PIAS1: variants seen among roughly 807,000 people sequenced by gnomAD.
PIAS1 encodes the protein protein inhibitor of activated STAT 1, also known as E3 SUMO-protein ligase PIAS1.
PIAS1 carries 6 observed loss-of-function variants against 71.3 expected under a neutral mutation model. That is an observed-to-expected ratio of 0.08 (90% CI 0.05 to 0.17). The LOEUF (loss-of-function observed/expected upper bound fraction) is 0.17, where lower values mean the gene tolerates loss of function less well. Ranked by LOEUF, PIAS1 falls within the 10% of genes least tolerant of loss-of-function variation. The pLI is 1.00. For missense variants in PIAS1, 555 were observed against 793.6 expected, an observed-to-expected ratio of 0.70 and a Z score of 3.61; for synonymous variants, 303 against 292.9, an observed-to-expected ratio of 1.03 and a Z score of -0.35.
chr15:68,160,679 C>T (rs559976689), intron 7 of PIAS1, among the ~76,000 whole-genome samples: 16 of 152,206 alleles, frequency 1.1e-4, no homozygotes, highest in African/African-American at 3.9e-4. Context: ...TATAATTCAC[C>T]TTCTCAACAA....
intron 2 of PIAS1, among the ~76,000 whole-genome samples, chr15:68,118,336 AT>A (rs1461663342): frequency 2.1e-5 from 3 of 145,948 alleles, no homozygotes; most frequent in Non-Finnish European, 4.6e-5. Flanking sequence ...AAAAAAAAAA[AT>A]AATAATAAAT....
At chr15:68,131,360 T>C (rs971046350) in intron 2 of PIAS1, among the ~76,000 whole-genome samples, 4 of 152,206 alleles carry the variant, frequency 2.6e-5, no homozygotes, top group Non-Finnish European at 4.4e-5. Flanking sequence ...CAAGCTGATA[T>C]GTTAATCAAT....
chr15:68,055,602 C>T (rs1567019594), intron 1 of PIAS1, among the ~76,000 whole-genome samples: 3 of 152,104 alleles, frequency 2.0e-5, no homozygotes. Flanking sequence ...TATTTCGAGG[C>T]TCTGAACGCG....
chr15:68,141,819 A>C lies in PIAS1; in HGVS notation c.470-127A>C, dbSNP rs2092772021. On this transcript the variant is annotated intron_variant, in intron 2 of 13. Coordinates refer to ENST00000249636, the MANE Select transcript of PIAS1 (RefSeq NM_016166.3). ...GTATTTCTTATTTTTCAGTGCTTTA[A>C]TTGCCTTGTTATCTAAACTCTAGAA... The C allele has an allele frequency of 5.1e-6, 3 of 590,718 alleles. No individual in the cohort carries two copies. In the East Asian group the frequency reaches 8.4e-5, roughly 16 times the overall value. 36.6% of individuals were successfully genotyped at this position (590,718 alleles called of 1,614,324 possible). A position where few individuals can be genotyped will look rare whatever the true frequency, so the allele number is the denominator to read the frequency against.
rs891152402 is a variant in PIAS1, at chr15:68,190,758, TAAAA to T, written c.*2932_*2935del. 1.4e-5 allele frequency: 2 copies of T among 146,648 alleles called. No individual in the cohort carries two copies. Among genetic ancestry groups the T allele is most frequent in the Non-Finnish European group, 3.0e-5 (2 of 66,286 alleles). The allele number at this position is 146,648 out of a possible 1,614,324, so 9.1% of individuals were successfully genotyped here. On this transcript the variant is annotated 3_prime_UTR_variant, in exon 14 of 14. Coordinates refer to ENST00000249636, the MANE Select transcript of PIAS1 (RefSeq NM_016166.3). This position sits in a 1 kb window ranked among gnomAD's most constrained non-coding sequence, Gnocchi z 4.7. Reference sequence around the variant, plus strand: ...TTCGTGAGTGTTATTGGATACATCTTAAAAAAAAAAAATCTGAACCAGAACCATG... The same window carrying T: ...TTCGTGAGTGTTATTGGATACATCTTAAAAAAAATCTGAACCAGAACCATG...
chr15:68,129,354 C>T (rs2141029589), intron 2 of PIAS1, among the ~76,000 whole-genome samples: 1 of 152,280 alleles, frequency 6.6e-6, no homozygotes, highest in South Asian at 2.1e-4. Context: ...AGACCTGAGC[C>T]ACTGCACCTG....
intron 2 of PIAS1, among the ~76,000 whole-genome samples, chr15:68,107,861 A>G (rs535449388): frequency 5.7e-4 from 87 of 152,262 alleles, no homozygotes; most frequent in African/African-American, 1.9e-3. Context: ...AATACGATAC[A>G]TGGTTTGTAG....
chr15:68,160,037 T>G (rs2092914459), intron 7 of PIAS1, among the ~76,000 whole-genome samples: 1 of 152,148 alleles, frequency 6.6e-6, no homozygotes, highest in African/African-American at 2.4e-5. Flanking sequence ...GTAGTGGTAT[T>G]TCTTTGTGCA....
chr15:68,104,543 CAG>C lies in PIAS1; in HGVS notation c.469+17799_469+17800del, dbSNP rs1220334230. 2.6e-5 allele frequency among the ~76,000 whole-genome samples: 4 copies of C among 152,242 alleles called. No individual in the cohort carries two copies. In the East Asian group the frequency reaches 7.7e-4, roughly 29 times the overall value. ...GTTTCTTCAAAATTCATATTAACCA[CAG>C]AGAGACAAATATTTCGTGTTCTCAC... On this transcript the variant is annotated intron_variant, in intron 2 of 13. Transcript: ENST00000249636.
At chr15:68,063,855 C>T (rs1159481514) in intron 1 of PIAS1, among the ~76,000 whole-genome samples, 1 of 151,532 alleles carries the variant, frequency 6.6e-6, no homozygotes, top group Admixed American at 6.6e-5. Context: ...CAAATTAAGG[C>T]ATTGGTACTA....
In PIAS1 at chr15:68,127,847, C is replaced by T. The variant is rs562122401; in HGVS notation, c.470-14099C>T. ...GTGTGACCTCAGCTCGCTGCAACCT[C>T]CTCCTGCAGGGTTCAAGCAATTCTC... On this transcript the variant is annotated intron_variant, in intron 2 of 13. Coordinates refer to ENST00000249636, the MANE Select transcript of PIAS1 (RefSeq NM_016166.3). Among the ~76,000 whole-genome samples, 4 of 152,276 alleles carry T rather than the reference C, an allele frequency of 2.6e-5. No homozygotes were observed. In the South Asian group the frequency reaches 8.3e-4, roughly 32 times the overall value.
intron 2 of PIAS1, among the ~76,000 whole-genome samples, chr15:68,125,989 G>A (rs1168961198): frequency 2.0e-5 from 3 of 151,960 alleles, no homozygotes; most frequent in African/African-American, 4.8e-5. Flanking sequence ...ATGAGCCACT[G>A]CGCCCCAGAC....
chr15:68,166,236 A>G (rs1463366627), intron 8 of PIAS1, among the ~76,000 whole-genome samples: 2 of 151,988 alleles, frequency 1.3e-5, no homozygotes, highest in African/African-American at 4.8e-5. Flanking sequence ...TTTTGACTCC[A>G]GGCTTTTTAT....
intron 2 of PIAS1, among the ~76,000 whole-genome samples, chr15:68,104,325 T>C (rs891441317): frequency 1.3e-5 from 2 of 152,212 alleles, no homozygotes; most frequent in African/African-American, 4.8e-5. Flanking sequence ...TGAATTATAC[T>C]TTGTTTCTCT....
chr15:68,093,185 C>T (rs975943918), intron 2 of PIAS1, among the ~76,000 whole-genome samples: 15 of 152,202 alleles, frequency 9.9e-5, no homozygotes, highest in African/African-American at 3.4e-4. Flanking sequence ...AGCAACTTGG[C>T]TTTATCAGGT....
intron 1 of PIAS1, among the ~76,000 whole-genome samples, chr15:68,074,977 G>T (rs527557383): frequency 6.7e-6 from 1 of 149,644 alleles, no homozygotes; most frequent in African/African-American, 2.4e-5. Flanking sequence ...ATTTCACGAA[G>T]AATGTGTAAT....
chr15:68,108,991 C>G (rs1050948205), intron 2 of PIAS1, among the ~76,000 whole-genome samples: 5 of 152,138 alleles, frequency 3.3e-5, no homozygotes, highest in Non-Finnish European at 7.4e-5. Context: ...TAAATAAAAG[C>G]TAATCATGTT....
intron 6 of PIAS1, among the ~76,000 whole-genome samples, chr15:68,147,899 A>T (rs555610012): frequency 2.4e-5 from 3 of 126,202 alleles, no homozygotes; most frequent in African/African-American, 7.4e-5. Flanking sequence ...TTCTTAGTCT[A>T]ACATTCTTTT....
chr15:68,063,502 G>T (rs1050936517), intron 1 of PIAS1, among the ~76,000 whole-genome samples: 1 of 152,106 alleles, frequency 6.6e-6, no homozygotes. Context: ...ATTTATTAAA[G>T]AATTATTTAT....
Sources: allele counts gnomAD v4.1 joint callset (sites outside exome capture counted in the v4.1 genomes callset), GRCh38; gene constraint gnomAD v4.1.1; non-coding constraint Gnocchi (gnomAD v3.1); transcripts MANE v1.5; gene names NCBI Gene and HGNC (gene_info 2026-07-23, HGNC 2026-07-21).